HS6ST3: variants seen among roughly 807,000 people sequenced by gnomAD.
The protein encoded by HS6ST3 is heparan-sulfate 6-O-sulfotransferase 3.
Under a neutral mutation model 36.7 loss-of-function variants are expected in HS6ST3, and 12 were observed. The observed-to-expected ratio is 0.33, with a 90% CI of 0.21 to 0.53. The LOEUF (loss-of-function observed/expected upper bound fraction) is 0.53, where lower values mean the gene tolerates loss of function less well. Ranked by LOEUF, HS6ST3 falls within the 20% of genes least tolerant of loss-of-function variation. HS6ST3 has a pLI of 0.95. For missense variants in HS6ST3, 584 were observed against 640.9 expected, an observed-to-expected ratio of 0.91 and a Z score of 0.96; for synonymous variants, 240 against 257.5, an observed-to-expected ratio of 0.93 and a Z score of 0.65.
chr13:96,129,580 T>A (rs1480110011), intron 1 of HS6ST3, among the ~76,000 whole-genome samples: 2 of 152,228 alleles, frequency 1.3e-5, no homozygotes, highest in Admixed American at 1.3e-4. Flanking sequence ...TTGGAGCTTA[T>A]CTTATCTTAA....
chr13:96,577,457 T>A (rs1438127371), intron 1 of HS6ST3, among the ~76,000 whole-genome samples: 1 of 152,174 alleles, frequency 6.6e-6, no homozygotes, highest in African/African-American at 2.4e-5. Context: ...CTGTTGTGAA[T>A]AGTGCTGCAA....
intron 1 of HS6ST3, among the ~76,000 whole-genome samples, chr13:96,693,223 C>A (rs1049792494): frequency 6.6e-6 from 1 of 152,174 alleles, no homozygotes; most frequent in African/African-American, 2.4e-5. Flanking sequence ...CCAAGCTCAT[C>A]ATTGAATATG....
intron 1 of HS6ST3, among the ~76,000 whole-genome samples, chr13:96,411,653 A>G (rs1423264632): frequency 6.6e-6 from 1 of 152,240 alleles, no homozygotes; most frequent in Non-Finnish European, 1.5e-5. Context: ...AAGACCATTC[A>G]TTATCAAGCT....
rs569842108 is a variant in HS6ST3, at chr13:96,322,253, C to T, written c.707+230684C>T. 6.6e-5 allele frequency among the ~76,000 whole-genome samples: 10 copies of T among 152,060 alleles called. No individual in the cohort carries two copies. The East Asian group carries it at 7.7e-4, about 12-fold the overall frequency. On this transcript the variant is annotated intron_variant, in intron 1 of 1. Transcript: ENST00000376705. ...GTTATCCATATCTACATTTTAAAAA[C>T]GCTACTTCTGGCTGGATGCTGTGGC... is the stretch of plus-strand genomic sequence containing the variant.
intron 1 of HS6ST3, among the ~76,000 whole-genome samples, chr13:96,180,947 C>G (rs2054237026): frequency 1.3e-5 from 2 of 152,056 alleles, no homozygotes; most frequent in African/African-American, 2.4e-5. Context: ...GAATGTTTGA[C>G]TACATTGGTA....
intron 1 of HS6ST3, among the ~76,000 whole-genome samples, chr13:96,214,225 C>G (rs2054413123): frequency 6.6e-6 from 1 of 152,124 alleles, no homozygotes; most frequent in South Asian, 2.1e-4. Context: ...TGTCCCCACC[C>G]AAATCTCATC....
rs747439262 is a variant in HS6ST3, at chr13:96,459,100, T to TAAAAAAAA, written c.707+367549_707+367556dup. Among the ~76,000 whole-genome samples the TAAAAAAAA allele has an allele frequency of 9.1e-4, 58 of 63,886 alleles. 2 individuals are homozygous for TAAAAAAAA. Among genetic ancestry groups the TAAAAAAAA allele is most frequent in the African/African-American group, 1.3e-3 (14 of 11,140 alleles). The allele number at this position is 63,886 out of a possible 152,430, so 41.9% of individuals were successfully genotyped here. A position where few individuals can be genotyped will look rare whatever the true frequency, so the allele number is the denominator to read the frequency against. On this transcript the variant is annotated intron_variant, in intron 1 of 1. Coordinates refer to ENST00000376705, the MANE Select transcript of HS6ST3 (RefSeq NM_153456.4). ...GCCTGGGCGACAGAGCAAGACTGTCTAAAAAAAAAAAAAAAAAAAAAAAAA... is the reference window on the plus strand; with the variant it reads ...GCCTGGGCGACAGAGCAAGACTGTCTAAAAAAAAAAAAAAAAAAAAAAAAAAAAAAAAA...
At chr13:96,159,677 C>A (rs1049118728) in intron 1 of HS6ST3, among the ~76,000 whole-genome samples, 11 of 152,100 alleles carry the variant, frequency 7.2e-5, no homozygotes, top group African/African-American at 2.4e-4. Flanking sequence ...GAAATAATAC[C>A]TTGGTAAGAA....
intron 1 of HS6ST3, among the ~76,000 whole-genome samples, chr13:96,655,779 G>A (rs557469542): frequency 2.0e-5 from 3 of 152,056 alleles, no homozygotes; most frequent in Admixed American, 1.3e-4. Context: ...GGTGATGTTG[G>A]CTGGGAAAGG....
At chr13:96,646,200 A>G (rs2056588081) in intron 1 of HS6ST3, among the ~76,000 whole-genome samples, 1 of 152,006 alleles carries the variant, frequency 6.6e-6, no homozygotes, top group Non-Finnish European at 1.5e-5. Flanking sequence ...AGAGTCTCCA[A>G]TTTATTGGAT....
chr13:96,304,891 A>G (rs1042992403), intron 1 of HS6ST3, among the ~76,000 whole-genome samples: 43 of 151,046 alleles, frequency 2.8e-4, no homozygotes, highest in African/African-American at 1.0e-3. Flanking sequence ...TTGTATTTTT[A>G]GTAGAGATGG....
At chr13:96,095,855 A>T (rs1012378725) in intron 1 of HS6ST3, among the ~76,000 whole-genome samples, 5 of 125,394 alleles carry the variant, frequency 4.0e-5, no homozygotes, top group African/African-American at 1.6e-4. Flanking sequence ...AGAACCATTT[A>T]TATGACTGGT....
At position 96,334,083 on chromosome 13, in the gene HS6ST3, A is replaced by G. The variant is rs546267531; in HGVS notation, c.707+242514A>G. 7.1e-4 allele frequency among the ~76,000 whole-genome samples: 108 copies of G among 152,318 alleles called. 1 individual carries two copies. Among genetic ancestry groups the G allele is most frequent in the African/African-American group, 2.6e-3 (107 of 41,568 alleles). On this transcript the variant is annotated intron_variant, in intron 1 of 1. Coordinates refer to ENST00000376705, the MANE Select transcript of HS6ST3 (RefSeq NM_153456.4). The stretch of plus-strand genomic sequence containing the variant: ...TATCAGGGAAGTGACTGTAGTGCAG[A>G]TTGAATTAGCTGGGCAAAAAGGGGA...
chr13:96,647,070 T>C (rs1272951938), intron 1 of HS6ST3, among the ~76,000 whole-genome samples: 1 of 151,966 alleles, frequency 6.6e-6, no homozygotes, highest in Non-Finnish European at 1.5e-5. Context: ...TCCACAATAA[T>C]TCTTAGACTT....
At chr13:96,718,110 C>T (rs1408943020) in intron 1 of HS6ST3, among the ~76,000 whole-genome samples, 1 of 152,130 alleles carries the variant, frequency 6.6e-6, no homozygotes, top group Admixed American at 6.5e-5. Context: ...TCCTGAATGC[C>T]CCAGTCTGGG....
chr13:96,573,981 A>G (rs1013285086), intron 1 of HS6ST3: 6 of 539,882 alleles, frequency 1.1e-5, no homozygotes, highest in Non-Finnish European at 2.3e-5. Context: ...TGTCAGCTCT[A>G]TGGCTTTCCA....
chr13:96,225,397 C>A (rs774496621), intron 1 of HS6ST3, among the ~76,000 whole-genome samples: 14 of 152,172 alleles, frequency 9.2e-5, no homozygotes, highest in Non-Finnish European at 1.6e-4. Context: ...AAACATCAGA[C>A]TTTAATATTT....
At chr13:96,778,645 G>A (rs1436913833) in intron 1 of HS6ST3, among the ~76,000 whole-genome samples, 2 of 152,194 alleles carry the variant, frequency 1.3e-5, no homozygotes, top group Non-Finnish European at 2.9e-5. Context: ...AGTTAGAATG[G>A]TGATCATTAA....
At chr13:96,794,458 CT>C (rs1235116535) in intron 1 of HS6ST3, among the ~76,000 whole-genome samples, 2 of 151,884 alleles carry the variant, frequency 1.3e-5, no homozygotes, top group Admixed American at 1.3e-4. Flanking sequence ...TTTAGATTTC[CT>C]GAATATTTGT....
Sources: allele counts gnomAD v4.1 joint callset (sites outside exome capture counted in the v4.1 genomes callset), GRCh38; gene constraint gnomAD v4.1.1; transcripts MANE v1.5; gene names NCBI Gene and HGNC (gene_info 2026-07-23, HGNC 2026-07-21).